The following ENPP7 variants were observed in gnomAD, a reference collection of about 807,000 sequenced individuals.
ENPP7 encodes the protein ectonucleotide pyrophosphatase/phosphodiesterase 7.
ENPP7 carries 39 observed loss-of-function variants against 33.6 expected under a neutral mutation model. That is an observed-to-expected ratio of 1.16 (90% CI 0.90 to 1.52). ENPP7 has a LOEUF of 1.52. Ranked by LOEUF, ENPP7 falls within the 40% of genes most tolerant of loss-of-function variation. The pLI is 0.00. For missense variants in ENPP7, 594 were observed against 641.0 expected (o/e 0.93, Z 0.79); for synonymous variants, 244 against 274.3 (o/e 0.89, Z 1.09).
chr17:79,738,671 G>A lies in ENPP7; in HGVS notation c.*16+609G>A, dbSNP rs782328919. 6.7e-6 allele frequency: 1 copy of A among 150,070 alleles called. No homozygotes were observed. Among genetic ancestry groups the A allele is most frequent in the Non-Finnish European group, 1.5e-5 (1 of 67,906 alleles). 9.3% of individuals were successfully genotyped at this position (150,070 alleles called of 1,614,324 possible). On this transcript the variant is annotated intron_variant, in intron 5 of 5. Coordinates refer to ENST00000328313, the MANE Select transcript of ENPP7 (RefSeq NM_178543.5). This position sits in a 1 kb window ranked among gnomAD's most constrained non-coding sequence, Gnocchi z 6.2. The stretch of plus-strand genomic sequence containing the variant: ...GGGGTGCATTTGGGAGGAGAGCTCC[G>A]GGGCTGCGTTCCTGGAACTCTCTGG...
In ENPP7 at chr17:79,735,192, C is replaced by T. The variant is rs782507447; in HGVS notation, c.549C>T (p.Phe183=). The change falls in exon 3 of 6, where the codon TTC becomes TTT. Residue 183 remains phenylalanine, a synonymous_variant. Coordinates refer to ENST00000328313, the MANE Select transcript of ENPP7 (RefSeq NM_178543.5). The surrounding 1 kb of genome is among the most constrained non-coding windows in gnomAD (Gnocchi z 5.5). ...RANIDTVMAW[F]TEEDLDLVTL... is the part of the protein sequence containing the mutation. The stretch of plus-strand genomic sequence containing the variant: ...ACATCGACACAGTGATGGCGTGGTT[C>T]ACAGAGGAGGACCTGGATCTGGTCA... 1.9e-6 allele frequency: 3 copies of T among 1,613,268 alleles called. No individual in the cohort carries two copies. The highest frequency in any genetic ancestry group is 2.7e-5 in the African/African-American group (2 of 74,942).
In ENPP7 at chr17:79,737,879, T is replaced by C. The variant is rs1598203378; in HGVS notation, c.1247-37T>C. ...GTGGAGAGGCTGGGGTGAGGAGCCA[T>C]CCCTCTCTCCCTCACAGGTCCTCTG... On this transcript the variant is annotated intron_variant, in intron 4 of 5. Coordinates refer to ENST00000328313, the MANE Select transcript of ENPP7 (RefSeq NM_178543.5). The surrounding 1 kb of genome is among the most constrained non-coding windows in gnomAD (Gnocchi z 5.5). 6.2e-7 allele frequency: 1 copy of C among 1,609,308 alleles called. No individual in the cohort carries two copies.
intron 1 of ENPP7, among the ~76,000 whole-genome samples, chr17:79,733,166 G>A (rs929267669): frequency 7.2e-5 from 11 of 152,170 alleles, no homozygotes; most frequent in Non-Finnish European, 1.5e-4. Flanking sequence ...GAGGTCACCC[G>A]CAATCTTTTG....
At chr17:79,732,926 G>A (rs1370650040) in intron 1 of ENPP7, among the ~76,000 whole-genome samples, 1 of 152,222 alleles carries the variant, frequency 6.6e-6, no homozygotes, top group Admixed American at 6.5e-5. Context: ...TCCCGTCTGC[G>A]CAGCGCCTCT....
rs576149136 is a variant in ENPP7 at position 79,740,123 on chromosome 17, G to A, written c.*17-1671G>A. On this transcript the variant is annotated intron_variant, in intron 5 of 5. Transcript: ENST00000328313. ...TGAGGTGGGAGGATCGCTGGAGCCCGGGAGGTGGAGGCTGCAGTGAGCCTT... is the reference window on the plus strand; with the variant it reads ...TGAGGTGGGAGGATCGCTGGAGCCCAGGAGGTGGAGGCTGCAGTGAGCCTT... 6.6e-5 allele frequency among the ~76,000 whole-genome samples: 10 copies of A among 152,240 alleles called. No homozygotes were observed. In the South Asian group the frequency reaches 1.2e-3, roughly 19 times the overall value.
At position 79,730,944 on chromosome 17, in the gene ENPP7, C is replaced by A; in HGVS notation, c.-196C>A. 1 of 603,392 alleles carries A rather than the reference C, an allele frequency of 1.7e-6. No homozygotes were observed. Among genetic ancestry groups the A allele is most frequent in the East Asian group, 2.9e-5 (1 of 34,882 alleles). The allele number at this position is 603,392 out of a possible 1,614,324, so 37.4% of individuals were successfully genotyped here. A position where few individuals can be genotyped will look rare whatever the true frequency, so the allele number is the denominator to read the frequency against. ...AGATGCTCAAGTTGATGCCACCCCA[C>A]GCACGTGAGGCTGGGACCAGGGGTG... On this transcript the variant is annotated 5_prime_UTR_variant, in exon 1 of 6. Coordinates refer to ENST00000328313, the MANE Select transcript of ENPP7 (RefSeq NM_178543.5).
Position 79,742,035 on chromosome 17 carries a change from C to G in ENPP7, c.*258C>G. The G allele has an allele frequency of 1.3e-6, 1 of 740,878 alleles. No individual in the cohort carries two copies. Among genetic ancestry groups the G allele is most frequent in the East Asian group, 1.2e-4 (1 of 8,112 alleles). 45.9% of individuals were successfully genotyped at this position (740,878 alleles called of 1,614,324 possible). ...CCCTGCCCCTGCCCCTGCTCCTGCT[C>G]CTCCCCTTCGGGCCCCCTCCTCCTG... is the stretch of plus-strand genomic sequence containing the variant. On this transcript the variant is annotated 3_prime_UTR_variant, in exon 6 of 6. Coordinates refer to ENST00000328313, the MANE Select transcript of ENPP7 (RefSeq NM_178543.5).
intron 1 of ENPP7, among the ~76,000 whole-genome samples, chr17:79,732,141 T>TATATGCACAC (rs2094287459): frequency 3.7e-5 from 2 of 54,544 alleles, no homozygotes; most frequent in African/African-American, 2.1e-4. Context: ...TGTATATATA[T>TATATGCACAC]ATATATATAC....
At chr17:79,740,227 G>A (rs1555824331) in intron 5 of ENPP7, among the ~76,000 whole-genome samples, 2 of 152,052 alleles carry the variant, frequency 1.3e-5, no homozygotes, top group Non-Finnish European at 1.5e-5. Flanking sequence ...AGAAAGGAGC[G>A]GGTTTAGGGT....
chr17:79,732,908 T>C (rs147350806), intron 1 of ENPP7, among the ~76,000 whole-genome samples: 1 of 152,210 alleles, frequency 6.6e-6, no homozygotes, highest in East Asian at 1.9e-4. Flanking sequence ...AACGGAGGTG[T>C]GCGGGTCTCC....
chr17:79,738,451 G>T lies in ENPP7; in HGVS notation c.*16+389G>T. 4.7e-6 allele frequency: 1 copy of T among 211,544 alleles called. No homozygotes were observed. Among genetic ancestry groups the T allele is most frequent in the Non-Finnish European group, 9.7e-6 (1 of 102,598 alleles). The allele number at this position is 211,544 out of a possible 1,614,324, so 13.1% of individuals were successfully genotyped here. A position where few individuals can be genotyped will look rare whatever the true frequency, so the allele number is the denominator to read the frequency against. On this transcript the variant is annotated intron_variant, in intron 5 of 5. Coordinates refer to ENST00000328313, the MANE Select transcript of ENPP7 (RefSeq NM_178543.5). The surrounding 1 kb of genome is among the most constrained non-coding windows in gnomAD (Gnocchi z 6.2). ...CGGTGCATTTGGGAGGAGAGCTCTG[G>T]GGCTGTGTTCCTGGAACTCTCCAGG...
Position 79,738,190 on chromosome 17 carries a change from A to C in ENPP7, c.*16+128A>C. ...AGGCCCCGCCAAGCAGGTGACTCCC[A>C]CTGACCTGGCTGCCCCAGAGAGGCC... On this transcript the variant is annotated intron_variant, in intron 5 of 5. Coordinates refer to ENST00000328313, the MANE Select transcript of ENPP7 (RefSeq NM_178543.5). This position sits in a 1 kb window ranked among gnomAD's most constrained non-coding sequence, Gnocchi z 6.2. The C allele has an allele frequency of 1.1e-6, 1 of 934,768 alleles. No individual in the cohort carries two copies. Among genetic ancestry groups the C allele is most frequent in the African/African-American group, 1.6e-5 (1 of 61,250 alleles). 57.9% of individuals were successfully genotyped at this position (934,768 alleles called of 1,614,324 possible).
intron 5 of ENPP7, among the ~76,000 whole-genome samples, chr17:79,741,500 C>T (rs923267577): frequency 2.6e-5 from 4 of 152,264 alleles, no homozygotes; most frequent in Non-Finnish European, 5.9e-5. Flanking sequence ...CCCCTCCCCT[C>T]CCAGCCCTGG....
rs948732109 is a variant in ENPP7, at chr17:79,735,070, C to T, written c.427C>T (p.Pro143Ser). The T allele has an allele frequency of 3.7e-6, 6 of 1,612,874 alleles. No homozygotes were observed. Among genetic ancestry groups the T allele is most frequent in the South Asian group, 3.3e-5 (3 of 91,090 alleles). The change falls in exon 3 of 6, where the codon CCG (proline) becomes TCG (serine). Residue 143 changes from proline (P) to serine (S), a missense_variant. Transcript: ENST00000328313. This position sits in a 1 kb window ranked among gnomAD's most constrained non-coding sequence, Gnocchi z 5.5. Reference protein sequence around the residue: ...QGLRAGSFFYPGGNVTYQGVA... With the variant: ...QGLRAGSFFYSGGNVTYQGVA... ...CCTGAGGGCTGGCTCCTTCTTCTAC[C>T]CGGGCGGGAACGTCACCTACCAAGG...
chr17:79,732,109 C>CATAT lies in ENPP7; in HGVS notation c.253+725_253+728dup, dbSNP rs200923031. Among the ~76,000 whole-genome samples, 401 of 82,582 alleles carry CATAT rather than the reference C, an allele frequency of 4.9e-3. 6 individuals are homozygous for CATAT. The highest frequency in any genetic ancestry group is 0.014 in the African/African-American group (354 of 24,646). The allele number at this position is 82,582 out of a possible 152,430, so 54.2% of individuals were successfully genotyped here. ...CAAGACTGCATATAATATATATATA[C>CATAT]ATATATATATACATATATATATGTA... On this transcript the variant is annotated intron_variant, in intron 1 of 5. Coordinates refer to ENST00000328313, the MANE Select transcript of ENPP7 (RefSeq NM_178543.5).
At chr17:79,741,621 G>C (rs1482769785) in intron 5 of ENPP7, among the ~76,000 whole-genome samples, 173 bp from the exon 6 acceptor site, 10 of 151,184 alleles carry the variant, frequency 6.6e-5, no homozygotes, top group African/African-American at 2.4e-4. Flanking sequence ...CAGCCTGGTA[G>C]GGCCGCCCCC....
Position 79,737,075 on chromosome 17 carries a change from G to C in ENPP7, c.1061G>C (p.Gly354Ala). The C allele has an allele frequency of 1.2e-6, 2 of 1,614,186 alleles. No individual in the cohort carries two copies. The highest frequency in any genetic ancestry group is 1.7e-6 in the Non-Finnish European group (2 of 1,180,048). ...GTCCAGTTCAACAATGGGGAGCACGGCTTTGACAACAAGGACATGGACATG... is the reference window on the plus strand; with the variant it reads ...GTCCAGTTCAACAATGGGGAGCACGCCTTTGACAACAAGGACATGGACATG... ...INVQFNNGEH[G>A]FDNKDMDMKT... is the part of the protein sequence containing the mutation. The change falls in exon 4 of 6, where the codon GGC becomes GCC. Residue 354 changes from glycine (G) to alanine (A), a missense_variant. Gly to Ala is a moderately conservative substitution (Grantham distance 60). This residue lies in a region of ENPP7 where 504 missense variants were observed against 512.8 expected (regional missense o/e 0.98). Transcript: ENST00000328313. This position sits in a 1 kb window ranked among gnomAD's most constrained non-coding sequence, Gnocchi z 5.5.
At position 79,731,368 on chromosome 17, in the gene ENPP7, C is replaced by G. The variant is rs1161750025; in HGVS notation, c.229C>G (p.Pro77Ala). Residue 77 changes from proline to alanine, a missense_variant, in exon 1 of 6, where the codon CCC becomes GCC. Around this residue, in one of 3 missense-constraint regions of ENPP7, gnomAD observed 85 missense variants for 111.3 expected, o/e 0.76. Transcript: ENST00000328313. Reference sequence around the variant, plus strand: ...CCCCGCCTTTGTCACCATGACCAGCCCCTGCCACTTCACCCTGGTCACCGG... The same window carrying G: ...CCCCGCCTTTGTCACCATGACCAGCGCCTGCCACTTCACCCTGGTCACCGG... ...MTPAFVTMTS[P>A]CHFTLVTGKY... The G allele has an allele frequency of 1.2e-6, 2 of 1,612,264 alleles. No homozygotes were observed. Among genetic ancestry groups the G allele is most frequent in the African/African-American group, 2.7e-5 (2 of 74,908 alleles).
chr17:79,731,455 G>C (rs2094285350), intron 1 of ENPP7, 63 bp downstream of exon 1: 1 of 1,539,368 alleles, frequency 6.5e-7, no homozygotes, highest in African/African-American at 1.4e-5. Context: ...ATGGCACAGA[G>C]CCGTGTCGTG....
Sources: allele counts gnomAD v4.1 joint callset (sites outside exome capture counted in the v4.1 genomes callset), GRCh38; gene constraint gnomAD v4.1.1; regional missense constraint gnomAD v4.1.1; non-coding constraint Gnocchi (gnomAD v3.1); transcripts MANE v1.5; gene names NCBI Gene and HGNC (gene_info 2026-07-23, HGNC 2026-07-21).